The following ERC2 variants were observed in gnomAD, a reference collection of about 807,000 sequenced individuals.
The protein encoded by ERC2 is ELKS/RAB6-interacting/CAST family member 2.
In ERC2, 42 loss-of-function variants were observed where a neutral mutation model predicts 114.8. The ratio of observed to expected loss-of-function variants is 0.37; its 90% confidence interval spans 0.29 to 0.47. The LOEUF is 0.47. Ranked by LOEUF, ERC2 falls within the 20% of genes least tolerant of loss-of-function variation. The pLI is 0.99. For missense variants in ERC2, 939 were observed against 1,150.7 expected, an observed-to-expected ratio of 0.82 and a Z score of 2.66; for synonymous variants, 454 against 425.5, an observed-to-expected ratio of 1.07 and a Z score of -0.82.
intron 3 of ERC2, among the ~76,000 whole-genome samples, chr3:56,270,915 G>T (rs2053616697): frequency 6.6e-6 from 1 of 152,210 alleles, no homozygotes; most frequent in African/African-American, 2.4e-5. Flanking sequence ...CCAGAAGGCA[G>T]AGCTTGCAGC....
intron 14 of ERC2, among the ~76,000 whole-genome samples, chr3:55,750,234 G>C (rs2066602409): frequency 6.6e-6 from 1 of 152,090 alleles, no homozygotes; most frequent in African/African-American, 2.4e-5. Context: ...TCATTGTTAA[G>C]ATACAGGATA....
chr3:55,576,324 AT>A (rs1298903854), intron 17 of ERC2, among the ~76,000 whole-genome samples: 17 of 151,862 alleles, frequency 1.1e-4, no homozygotes, highest in African/African-American at 3.4e-4. Flanking sequence ...AAAAAAAAAA[AT>A]AAATCCAAAA....
chr3:55,568,721 G>A (rs887143565), intron 17 of ERC2, among the ~76,000 whole-genome samples: 3 of 152,108 alleles, frequency 2.0e-5, no homozygotes, highest in African/African-American at 7.2e-5. Context: ...GAAATAGCCA[G>A]AGAAATCCCA....
intron 14 of ERC2, among the ~76,000 whole-genome samples, chr3:55,760,525 A>C (rs987985169): frequency 6.6e-5 from 10 of 152,368 alleles, no homozygotes; most frequent in Admixed American, 6.5e-4. Flanking sequence ...GCATTATTAA[A>C]GAATTTTCAC....
intron 14 of ERC2, among the ~76,000 whole-genome samples, chr3:55,840,079 T>A (rs781717183): frequency 1.1e-4 from 16 of 151,966 alleles, no homozygotes; most frequent in Non-Finnish European, 2.1e-4. Context: ...TAAAGAATAT[T>A]AGCAGGGATA....
chr3:56,027,055 A>C (rs1371039711), intron 7 of ERC2, among the ~76,000 whole-genome samples: 2 of 152,264 alleles, frequency 1.3e-5, no homozygotes, highest in Non-Finnish European at 2.9e-5. Context: ...TTATATAAAT[A>C]AAGTCACACA....
Position 55,888,458 on chromosome 3 carries a change from T to A in ERC2, c.2495A>T (p.Glu832Val). ...GAGGTTGGCCAAGTGCGCTTCTTTT[T>A]CGGCCAGGGACTGTTGTGTGGAGGC... ...RLASTQQSLAEKEAHLANLRI... is the reference protein window; with the variant it reads ...RLASTQQSLAVKEAHLANLRI... Residue 832 changes from glutamate to valine, a missense_variant, in exon 14 of 18, where the codon GAA becomes GTA. Transcript: ENST00000288221. 6.2e-7 allele frequency: 1 copy of A among 1,613,910 alleles called. No individual in the cohort carries two copies. Among genetic ancestry groups the A allele is most frequent in the Middle Eastern group, 1.6e-4 (1 of 6,062 alleles).
At chr3:56,055,282 G>A (rs1231467051) in intron 7 of ERC2, among the ~76,000 whole-genome samples, 1 of 152,166 alleles carries the variant, frequency 6.6e-6, no homozygotes, top group East Asian at 1.9e-4. Flanking sequence ...ATTCCCTGAT[G>A]GGGAGGGCAG....
intron 14 of ERC2, among the ~76,000 whole-genome samples, chr3:55,857,486 T>C (rs1229978563): frequency 2.6e-5 from 4 of 152,222 alleles, no homozygotes; most frequent in African/African-American, 7.2e-5. Context: ...ATCACATTCA[T>C]AGTGTTGTAC....
chr3:56,218,363 T>C (rs2049644531), intron 3 of ERC2, among the ~76,000 whole-genome samples: 1 of 152,156 alleles, frequency 6.6e-6, no homozygotes, highest in Admixed American at 6.5e-5. Context: ...AGGAGACATT[T>C]ATGCAGCCAA....
chr3:55,947,430 G>T (rs544806354), intron 13 of ERC2, among the ~76,000 whole-genome samples: 1 of 152,258 alleles, frequency 6.6e-6, no homozygotes, highest in East Asian at 1.9e-4. Context: ...GTACATTTTT[G>T]TCTTTGTGAG....
chr3:55,803,336 C>T (rs1222471090), intron 14 of ERC2, among the ~76,000 whole-genome samples: 1 of 152,150 alleles, frequency 6.6e-6, no homozygotes, highest in Non-Finnish European at 1.5e-5. Context: ...CTACCTCACA[C>T]TTAAACATAA....
At chr3:56,052,277 C>T (rs1427313695) in intron 7 of ERC2, among the ~76,000 whole-genome samples, 2 of 152,182 alleles carry the variant, frequency 1.3e-5, no homozygotes, top group African/African-American at 2.4e-5. Flanking sequence ...GATGTGGCCA[C>T]ATGGATTCTG....
chr3:56,377,618 C>T (rs1487456272), intron 2 of ERC2, among the ~76,000 whole-genome samples: 1 of 152,194 alleles, frequency 6.6e-6, no homozygotes. Flanking sequence ...TCATTTCACA[C>T]ATTAGGCCCC....
chr3:56,437,507 A>T (rs1242264770), intron 1 of ERC2, among the ~76,000 whole-genome samples: 2 of 152,232 alleles, frequency 1.3e-5, no homozygotes, highest in Non-Finnish European at 2.9e-5. Flanking sequence ...TCAATTCTAG[A>T]TGAGATTTCT....
chr3:55,698,429 C>A (rs186007920), intron 16 of ERC2, among the ~76,000 whole-genome samples: 1 of 152,104 alleles, frequency 6.6e-6, no homozygotes. Context: ...AACAGAGCCA[C>A]GTGAAAAGTT....
At chr3:56,411,284 C>G (rs1005397892) in intron 2 of ERC2, among the ~76,000 whole-genome samples, 4 of 151,524 alleles carry the variant, frequency 2.6e-5, no homozygotes, top group Non-Finnish European at 4.4e-5. Context: ...ATTAACGCCT[C>G]CTCCATGAGC....
intron 17 of ERC2, among the ~76,000 whole-genome samples, chr3:55,587,348 A>C (rs2057656375): frequency 6.6e-6 from 1 of 152,160 alleles, no homozygotes; most frequent in Admixed American, 6.5e-5. Context: ...CACTGCACCC[A>C]GCCTGCTTCT....
chr3:56,375,021 T>C (rs2150600835), intron 2 of ERC2, among the ~76,000 whole-genome samples: 1 of 152,256 alleles, frequency 6.6e-6, no homozygotes, highest in African/African-American at 2.4e-5. Context: ...TTGAGATGGA[T>C]GAGAGCAGCC....
Sources: gnomAD v4.1 joint callset for allele counts (sites outside exome capture counted in the v4.1 genomes callset) on GRCh38, gnomAD v4.1.1 for gene constraint, MANE v1.5 for transcripts, NCBI Gene and HGNC (gene_info 2026-07-23, HGNC 2026-07-21) for gene names.